The following PKHD1L1 variants were observed in gnomAD, a reference collection of about 807,000 sequenced individuals.
PKHD1L1 encodes the protein fibrocystin-L.
PKHD1L1 carries 434 observed loss-of-function variants against 462.9 expected under a neutral mutation model. That is an observed-to-expected ratio of 0.94 (90% CI 0.87 to 1.02). The LOEUF (loss-of-function observed/expected upper bound fraction) is 1.02. Among genes scored for constraint, PKHD1L1 ranks in the 50% least tolerant of loss-of-function variants. The pLI is 0.00. For missense variants in PKHD1L1, 5,202 were observed against 5,096.1 expected (o/e 1.02, Z -0.63); for synonymous variants, 1,781 against 1,750.0 (o/e 1.02, Z -0.44).
At chr8:109,430,309 C>T (rs1815026515) in intron 27 of PKHD1L1, among the ~76,000 whole-genome samples, 1 of 152,088 alleles carries the variant, frequency 6.6e-6, no homozygotes, top group Non-Finnish European at 1.5e-5. Context: ...CCAGTTTCAC[C>T]AGTTAGACTC....
intron 50 of PKHD1L1, among the ~76,000 whole-genome samples, chr8:109,471,955 T>G (rs1817744665): frequency 6.6e-6 from 1 of 152,190 alleles, no homozygotes; most frequent in Non-Finnish European, 1.5e-5. Flanking sequence ...TTAATTTACT[T>G]AAGTGTTCAT....
At chr8:109,439,154 T>C (rs1324761137) in intron 32 of PKHD1L1, 62 bp downstream of exon 32, 50 of 1,458,732 alleles carry the variant, frequency 3.4e-5, no homozygotes, top group Non-Finnish European at 4.0e-5. Context: ...GGAATTGGGA[T>C]AGGAAAAGAA....
chr8:109,499,651 T>C (rs766766442), intron 67 of PKHD1L1, among the ~76,000 whole-genome samples: 15 of 152,264 alleles, frequency 9.9e-5, no homozygotes, highest in Non-Finnish European at 2.1e-4. Context: ...CATTAATAAC[T>C]ATTATTCTTT....
intron 56 of PKHD1L1, 115 bp downstream of exon 56, chr8:109,481,677 C>A: frequency 1.0e-6 from 1 of 992,942 alleles, no homozygotes; most frequent in Non-Finnish European, 1.3e-6. Context: ...ATAAAAAGTA[C>A]TTCTGATACA....
At chr8:109,478,895 A>C (rs1818131671) in intron 53 of PKHD1L1, among the ~76,000 whole-genome samples, 1 of 152,130 alleles carries the variant, frequency 6.6e-6, no homozygotes, top group African/African-American at 2.4e-5. Flanking sequence ...CTAGCTATGA[A>C]TAATACAAGA....
chr8:109,384,208 A>C (rs1056000527), intron 5 of PKHD1L1, 81 bp downstream of exon 5: 3 of 1,077,950 alleles, frequency 2.8e-6, no homozygotes, highest in Non-Finnish European at 2.8e-6. Flanking sequence ...AATTAGTATA[A>C]TTCCTGCAAT....
rs1254561517 is a variant in PKHD1L1 at position 109,388,545 on chromosome 8, T to A, written c.618T>A (p.Asp206Glu). 1.3e-6 allele frequency: 2 copies of A among 1,507,260 alleles called. No homozygotes were observed. Among genetic ancestry groups the A allele is most frequent in the East Asian group, 2.5e-5 (1 of 40,648 alleles). The allele number at this position is 1,507,260 out of a possible 1,614,324, so 93.4% of individuals were successfully genotyped here. The change falls in exon 7 of 78, where the codon GAT (aspartate) becomes GAA (glutamate). Residue 206 changes from aspartate (D) to glutamate (E), a missense_variant. Coordinates refer to ENST00000378402, the MANE Select transcript of PKHD1L1 (RefSeq NM_177531.6). ...MPCELLIPQS[D>E]NLYGLKLDHP... ...GTGAGCTTCTCATACCACAATCTGA[T>A]AATTTGTAAGTAATTCAAATTATTT...
intron 30 of PKHD1L1, 21 bp downstream of exon 30, chr8:109,436,480 C>T (rs1199008271): frequency 1.3e-5 from 21 of 1,609,734 alleles, no homozygotes; most frequent in Admixed American, 1.7e-5. Flanking sequence ...TGATTTCAGT[C>T]ACTTTTTCCT....
At position 109,374,850 on chromosome 8, in the gene PKHD1L1, G is replaced by A. The variant is rs527890248; in HGVS notation, c.164-6520G>A. 6.7e-4 allele frequency among the ~76,000 whole-genome samples: 102 copies of A among 152,330 alleles called. 2 individuals are homozygous for A. The South Asian group carries it at 0.021, about 31-fold the overall frequency. On this transcript the variant is annotated intron_variant, in intron 2 of 77. Transcript: ENST00000378402. ...GGCCCCCACTCTCTTCTGGCTTGTAGAGTTTCTGCCGAGAGATCAGCTGTT... is the reference window on the plus strand; with the variant it reads ...GGCCCCCACTCTCTTCTGGCTTGTAAAGTTTCTGCCGAGAGATCAGCTGTT...
In PKHD1L1 at chr8:109,526,886, G is replaced by T. The variant is rs746948932; in HGVS notation, c.12587G>T (p.Ser4196Ile). ...TCTGTCTCTAGCAGTGGCAGCAGCA[G>T]CAGCAGCAACAGCAAAGCATCAACT... ...AESVSSSGSS[S>I]SSNSKASTVG... Residue 4196 changes from serine to isoleucine, a missense_variant, in exon 77 of 78, where the codon AGC (serine) becomes ATC (isoleucine). Transcript: ENST00000378402. 2.5e-6 allele frequency: 4 copies of T among 1,610,368 alleles called. No individual in the cohort carries two copies. Among genetic ancestry groups the T allele is most frequent in the Non-Finnish European group, 3.4e-6 (4 of 1,178,434 alleles).
intron 77 of PKHD1L1, 45 bp from the exon 78 acceptor site, chr8:109,530,035 G>T: frequency 1.7e-6 from 2 of 1,161,698 alleles, no homozygotes; most frequent in South Asian, 2.0e-5. Flanking sequence ...TATACTATAT[G>T]CTATTTCTAC....
At chr8:109,474,096 T>C (rs1817862554) in intron 50 of PKHD1L1, among the ~76,000 whole-genome samples, 1 of 152,148 alleles carries the variant, frequency 6.6e-6, no homozygotes, top group Non-Finnish European at 1.5e-5. Flanking sequence ...AGTGAAAGTT[T>C]TTGGTGTCTC....
intron 32 of PKHD1L1, among the ~76,000 whole-genome samples, chr8:109,440,406 T>C (rs1815710218): frequency 6.6e-6 from 1 of 152,128 alleles, no homozygotes; most frequent in Non-Finnish European, 1.5e-5. Flanking sequence ...AAAAATCTAA[T>C]GTATTTCTTG....
intron 20 of PKHD1L1, 41 bp downstream of exon 20, chr8:109,412,455 T>C (rs1479531801): frequency 2.0e-6 from 3 of 1,514,510 alleles, no homozygotes; most frequent in Non-Finnish European, 2.7e-6. Flanking sequence ...ATCTGGAAAA[T>C]ACCTTGGTAA....
At chr8:109,436,191 C>A in intron 29 of PKHD1L1, 147 bp from the exon 30 acceptor site, 1 of 785,514 alleles carries the variant, frequency 1.3e-6, no homozygotes, top group Non-Finnish European at 1.9e-6. Context: ...GCATTCATCT[C>A]AAGTCTGGTC....
chr8:109,374,978 C>G (rs1371727700), intron 2 of PKHD1L1, among the ~76,000 whole-genome samples: 10 of 152,104 alleles, frequency 6.6e-5, no homozygotes, highest in Non-Finnish European at 1.0e-4. Context: ...AATTATGTGT[C>G]TTGGAGTTGC....
At chr8:109,434,013 C>G (rs539117903) in intron 28 of PKHD1L1, among the ~76,000 whole-genome samples, 1 of 151,934 alleles carries the variant, frequency 6.6e-6, no homozygotes, top group African/African-American at 2.4e-5. Context: ...AACACAAGAA[C>G]GGAAAACCAA....
At chr8:109,385,499 T>A in intron 5 of PKHD1L1, 38 bp from the exon 6 acceptor site, 1 of 1,389,720 alleles carries the variant, frequency 7.2e-7, no homozygotes, top group Non-Finnish European at 1.0e-6. Context: ...ATAGATTTTC[T>A]TACACAGAAT....
intron 43 of PKHD1L1, 116 bp downstream of exon 43, chr8:109,452,990 A>G: frequency 1.1e-6 from 1 of 873,420 alleles, no homozygotes; most frequent in Non-Finnish European, 1.6e-6. Context: ...TTTAATATAC[A>G]GTGTAGTCCT....
Sources: allele counts gnomAD v4.1 joint callset (sites outside exome capture counted in the v4.1 genomes callset), GRCh38; gene constraint gnomAD v4.1.1; transcripts MANE v1.5; gene names NCBI Gene and HGNC (gene_info 2026-07-23, HGNC 2026-07-21).